Variants in GCNT2 observed in about 807,000 individuals in gnomAD.
GCNT2 encodes N-acetyllactosaminide beta-1,6-N-acetylglucosaminyl-transferase.
A neutral mutation model predicts 34.2 loss-of-function variants in GCNT2; 34 were observed. That is an observed-to-expected ratio of 1.00 (90% CI 0.76 to 1.32). The LOEUF is 1.32. GCNT2 is among the 40% of genes most tolerant of loss of function. The probability of loss-of-function intolerance (pLI) is 0.00; values close to 1 mark genes in which losing one functional copy is unlikely to be tolerated. For missense variants in GCNT2, 584 were observed against 489.4 expected (o/e 1.19, Z -1.82); for synonymous variants, 212 against 188.0 (o/e 1.13, Z -1.04).
intron 3 of GCNT2, among the ~76,000 whole-genome samples, chr6:10,571,536 A>G (rs1164297055): frequency 1.3e-5 from 2 of 152,068 alleles, no homozygotes; most frequent in African/African-American, 4.8e-5. Context: ...TATTTTTAGT[A>G]GAGATGGGGT....
chr6:10,598,427 G>A (rs976128071), intron 3 of GCNT2, among the ~76,000 whole-genome samples: 2 of 151,992 alleles, frequency 1.3e-5, no homozygotes, highest in Admixed American at 1.3e-4. Flanking sequence ...ATATTACACC[G>A]TGGACAGTAG....
intron 3 of GCNT2, among the ~76,000 whole-genome samples, chr6:10,616,191 C>T (rs1038192655): frequency 1.3e-5 from 2 of 152,194 alleles, no homozygotes; most frequent in African/African-American, 4.8e-5. Flanking sequence ...AGCGTTATAT[C>T]TTTCAAGGCG....
intron 3 of GCNT2, among the ~76,000 whole-genome samples, chr6:10,588,890 C>CGTGTGTGTT (rs757131783): frequency 1.0e-4 from 14 of 140,084 alleles, no homozygotes; most frequent in African/African-American, 2.4e-4. Flanking sequence ...GTGTTTGTAG[C>CGTGTGTGTT]GTGTGTGTTG....
At chr6:10,607,315 T>C (rs1429596564) in intron 3 of GCNT2, among the ~76,000 whole-genome samples, 1 of 151,998 alleles carries the variant, frequency 6.6e-6, no homozygotes, top group Non-Finnish European at 1.5e-5. Flanking sequence ...TTTCAAACAT[T>C]GTGGAAGGCA....
chr6:10,605,988 C>G lies in GCNT2; in HGVS notation c.926-15363C>G, dbSNP rs570222718. On this transcript the variant is annotated intron_variant, in intron 3 of 4. Coordinates refer to ENST00000495262, the MANE Select transcript of GCNT2 (RefSeq NM_145649.5). The stretch of plus-strand genomic sequence containing the variant: ...CCTCAGCTGCTTCACTTGATGGCCT[C>G]AAGGAGAGGACAAGCCCTGGTCAAC... Among the ~76,000 whole-genome samples, 314 of 152,196 alleles carry G rather than the reference C, an allele frequency of 2.1e-3. 1 individual carries two copies. The highest frequency in any genetic ancestry group is 7.1e-3 in the African/African-American group (294 of 41,536).
At chr6:10,606,742 T>TAAAG (rs147514878) in intron 3 of GCNT2, among the ~76,000 whole-genome samples, 19,011 of 150,160 alleles carry the variant, frequency 0.13, 1,990 homozygotes, top group African/African-American at 0.28. Context: ...ATTTTAAAAA[T>TAAAG]AAAATGCAGA....
At chr6:10,524,055 C>G (rs924270642) in intron 1 of GCNT2, among the ~76,000 whole-genome samples, 23 of 151,384 alleles carry the variant, frequency 1.5e-4, no homozygotes, top group African/African-American at 5.1e-4. Context: ...GTTGGAGGCT[C>G]TAAGTAACAG....
At chr6:10,522,774 G>T (rs1760980901) in intron 1 of GCNT2, among the ~76,000 whole-genome samples, 1 of 152,084 alleles carries the variant, frequency 6.6e-6, no homozygotes, top group Non-Finnish European at 1.5e-5. Flanking sequence ...AGGTCGGGAG[G>T]GTAAGAGCAA....
At chr6:10,571,944 C>T (rs1763571766) in intron 3 of GCNT2, among the ~76,000 whole-genome samples, 1 of 149,352 alleles carries the variant, frequency 6.7e-6, no homozygotes, top group African/African-American at 2.6e-5. Context: ...CTTTTCCTTT[C>T]ACACTGATAG....
At chr6:10,592,362 A>T (rs1764687673) in intron 3 of GCNT2, among the ~76,000 whole-genome samples, 1 of 152,212 alleles carries the variant, frequency 6.6e-6, no homozygotes, top group Non-Finnish European at 1.5e-5. Flanking sequence ...TGGCTTATTT[A>T]ACCTCTTCAG....
intron 3 of GCNT2, among the ~76,000 whole-genome samples, chr6:10,599,223 G>C (rs1764993071): frequency 6.6e-6 from 1 of 152,206 alleles, no homozygotes; most frequent in African/African-American, 2.4e-5. Context: ...TGGTGAGTGG[G>C]ATCGATTGTA....
At position 10,565,558 on chromosome 6, in the gene GCNT2, A is replaced by G. The variant is rs551209039; in HGVS notation, c.925+35722A>G. 1.9e-4 allele frequency among the ~76,000 whole-genome samples: 29 copies of G among 152,318 alleles called. 1 individual carries two copies. The South Asian group carries it at 2.1e-3, about 11-fold the overall frequency. Reference sequence around the variant, plus strand: ...AGTACTGCACAAAGCTCTCTTCAGCATGAACACTACCCTATAAAATCTCCA... The same window carrying G: ...AGTACTGCACAAAGCTCTCTTCAGCGTGAACACTACCCTATAAAATCTCCA... On this transcript the variant is annotated intron_variant, in intron 3 of 4. Transcript: ENST00000495262.
At chr6:10,534,558 C>G (rs1052799503) in intron 3 of GCNT2, among the ~76,000 whole-genome samples, 1 of 152,156 alleles carries the variant, frequency 6.6e-6, no homozygotes, top group Non-Finnish European at 1.5e-5. Flanking sequence ...TTCCACACCA[C>G]CTCTCAGGCT....
intron 3 of GCNT2, among the ~76,000 whole-genome samples, chr6:10,582,567 T>C (rs1215659482): frequency 8.8e-6 from 1 of 113,286 alleles, no homozygotes; most frequent in African/African-American, 2.8e-5. Flanking sequence ...ATCATATATA[T>C]TTAAATATAT....
At chr6:10,589,104 T>TA (rs1764506045) in intron 3 of GCNT2, among the ~76,000 whole-genome samples, 2 of 51,242 alleles carry the variant, frequency 3.9e-5, no homozygotes. Flanking sequence ...GTGTGTGTAG[T>TA]GTGTGTGTGG....
intron 3 of GCNT2, among the ~76,000 whole-genome samples, chr6:10,588,831 ATG>A (rs1764471224): frequency 9.1e-6 from 1 of 109,334 alleles, no homozygotes; most frequent in East Asian, 3.0e-4. Flanking sequence ...TTTGCAGTGT[ATG>A]TGTGTGGTGT....
At chr6:10,619,642 C>G (rs1032409584) in intron 3 of GCNT2, 1 of 152,244 alleles carries the variant, frequency 6.6e-6, no homozygotes, top group Non-Finnish European at 1.5e-5. Context: ...GTATGAGCCA[C>G]TGTACACAGC....
At chr6:10,601,747 C>G (rs899625577) in intron 3 of GCNT2, among the ~76,000 whole-genome samples, 1 of 151,988 alleles carries the variant, frequency 6.6e-6, no homozygotes, top group Non-Finnish European at 1.5e-5. Flanking sequence ...CAAGACCAGC[C>G]TGGCCAAGAT....
chr6:10,521,721 G>C (rs1202299375), intron 1 of GCNT2: 2 of 151,766 alleles, frequency 1.3e-5, no homozygotes, highest in Admixed American at 1.3e-4. Flanking sequence ...TACTGGGCAC[G>C]AGGGTTTTCC....
Sources: gnomAD v4.1 joint callset for allele counts (sites outside exome capture counted in the v4.1 genomes callset) on GRCh38, gnomAD v4.1.1 for gene constraint, MANE v1.5 for transcripts, NCBI Gene and HGNC (gene_info 2026-07-23, HGNC 2026-07-21) for gene names.